Variants in TENM1 observed in about 807,000 individuals in gnomAD.
TENM1 encodes the protein teneurin-1.
Under a neutral mutation model 174.8 loss-of-function variants are expected in TENM1, and 35 were observed. The ratio of observed to expected loss-of-function variants is 0.20; its 90% CI spans 0.15 to 0.27. TENM1 has a LOEUF of 0.27. Ranked by LOEUF, TENM1 falls within the 10% of genes least tolerant of loss-of-function variation. TENM1 has a pLI of 1.00. For synonymous variants in TENM1, 781 were observed against 798.7 expected (o/e 0.98, Z 0.37); for missense variants, 1,633 against 2,130.1 (o/e 0.77, Z 4.59).
At chrX:124,601,503 A>T (rs991835419) in intron 11 of TENM1, among the ~76,000 whole-genome samples, 1 of 111,379 alleles carries the variant, frequency 9.0e-6, no homozygotes, top group Non-Finnish European at 1.9e-5. Context: ...TTTTCTGTGC[A>T]GCAGGAGGCA....
At chrX:124,444,767 C>A (rs2060948018) in intron 23 of TENM1, among the ~76,000 whole-genome samples, 1 of 110,799 alleles carries the variant, frequency 9.0e-6, no homozygotes, top group Non-Finnish European at 1.9e-5. Flanking sequence ...ATTCTGGAAG[C>A]CATGGTGGCT....
intron 11 of TENM1, among the ~76,000 whole-genome samples, chrX:124,588,296 G>T (rs1314820874): frequency 1.8e-5 from 2 of 111,310 alleles, no homozygotes; most frequent in Admixed American, 9.6e-5. Context: ...CAACCCAAAT[G>T]TCCAACAATG....
chrX:124,530,802 A>T (rs1395353496), intron 15 of TENM1, among the ~76,000 whole-genome samples: 1 of 112,393 alleles, frequency 8.9e-6, no homozygotes, highest in African/African-American at 3.2e-5. Flanking sequence ...TTACTAAAAA[A>T]TGGAATTCCA....
At chrX:124,784,357 T>C (rs927528983) in intron 3 of TENM1, among the ~76,000 whole-genome samples, 1 of 110,765 alleles carries the variant, frequency 9.0e-6, no homozygotes, top group Non-Finnish European at 1.9e-5. Flanking sequence ...ATCAGAGAAA[T>C]AGAAAACAAA....
chrX:125,183,652 C>T, the TENM1 span, among the ~76,000 whole-genome samples: 1 of 111,422 alleles, frequency 9.0e-6, no homozygotes, highest in African/African-American at 3.3e-5. Context: ...GCATTTTTAT[C>T]AAGGAAGAAG....
At chrX:124,483,823 G>C (rs897829850) in intron 21 of TENM1, among the ~76,000 whole-genome samples, 1 of 112,037 alleles carries the variant, frequency 8.9e-6, no homozygotes, top group Middle Eastern at 4.2e-3. Context: ...ATGAGTCCAA[G>C]TGTTATGACA....
chrX:125,097,007 AAAG>A, the TENM1 span, among the ~76,000 whole-genome samples: 48 of 112,036 alleles, frequency 4.3e-4, no homozygotes, highest in Non-Finnish European at 4.7e-4. Context: ...CTGTTAACAC[AAAG>A]AAGATAAAGA....
Position 124,520,542 on chromosome X carries a change from C to CT in TENM1, c.3275dup (p.Val1093GlyfsTer14). 1 of 1,208,599 alleles carries CT rather than the reference C, an allele frequency of 8.3e-7. No homozygotes were observed. Among genetic ancestry groups the CT allele is most frequent in the Non-Finnish European group, 1.1e-6 (1 of 892,882 alleles). ...CCAAAGCCTCTGCCAGGCCCCAAACCTTCTGTCCATAGATGTCGGTCTTGT... is the reference window on the plus strand; with the variant it reads ...CCAAAGCCTCTGCCAGGCCCCAAACCTTTCTGTCCATAGATGTCGGTCTTGT... On this transcript the variant is annotated frameshift_variant, in exon 18 of 32. Coordinates refer to ENST00000422452, the Ensembl canonical transcript of TENM1. LOFTEE classifies it high-confidence loss of function.
At chrX:124,728,179 A>G (rs1025715757) in intron 4 of TENM1, among the ~76,000 whole-genome samples, 5 of 111,441 alleles carry the variant, frequency 4.5e-5, no homozygotes, top group Admixed American at 2.9e-4. Flanking sequence ...GAAAGAAAGG[A>G]TCTGCAAACT....
chrX:124,403,243 G>A (rs756179380), intron 27 of TENM1, among the ~76,000 whole-genome samples: 6 of 110,611 alleles, frequency 5.4e-5, no homozygotes, highest in African/African-American at 1.3e-4. Flanking sequence ...AGCACTGGCC[G>A]GGCACGGTGG....
At chrX:124,384,215 C>T in exon 30 of TENM1, 1 of 1,210,533 alleles carries the variant, frequency 8.3e-7, no homozygotes, top group East Asian at 3.0e-5. Flanking sequence ...CTGCAGCAGG[C>T]CATTAGAATT....
Position 124,824,935 on chromosome X carries a change from C to T in TENM1, c.535+69361G>A, listed in dbSNP as rs190106218. Among the ~76,000 whole-genome samples the T allele has an allele frequency of 4.6e-3, 508 of 111,074 alleles. 2 individuals carry two copies. The highest frequency in any genetic ancestry group is 7.2e-3 in the Admixed American group (74 of 10,331). ...GATTTCCAGAAATAAATTAACCCCA[C>T]ATCCTAAATCTTGCCTTACCAAAAA... On this transcript the variant is annotated intron_variant, in intron 3 of 31. Transcript: ENST00000422452.
At chrX:124,955,367 A>T (rs1281623518) in intron 1 of TENM1, among the ~76,000 whole-genome samples, 2 of 111,334 alleles carry the variant, frequency 1.8e-5, no homozygotes, top group African/African-American at 6.5e-5. Context: ...GTCAAAGTGG[A>T]CAATCTCTAG....
intron 3 of TENM1, among the ~76,000 whole-genome samples, chrX:124,758,483 T>C (rs1051526598): frequency 1.8e-5 from 2 of 111,323 alleles, no homozygotes; most frequent in Non-Finnish European, 3.8e-5. Context: ...TATGAAGGTT[T>C]TTGAAAAAAT....
At chrX:124,468,001 C>T (rs185500332) in intron 22 of TENM1, among the ~76,000 whole-genome samples, 1,189 of 109,976 alleles carry the variant, frequency 0.011, 17 homozygotes, top group African/African-American at 0.036. Flanking sequence ...TCAAGTGATC[C>T]GCCTGCCTCA....
At chrX:124,907,645 T>A (rs1442960149) in intron 1 of TENM1, among the ~76,000 whole-genome samples, 1 of 111,850 alleles carries the variant, frequency 8.9e-6, no homozygotes, top group Non-Finnish European at 1.9e-5. Flanking sequence ...CCCTATTATT[T>A]AAAAAACCCT....
chrX:124,803,558 C>T (rs917407165), intron 3 of TENM1, among the ~76,000 whole-genome samples: 6 of 111,927 alleles, frequency 5.4e-5, no homozygotes. Context: ...TCTAATGGCA[C>T]CCTCTCATTT....
Position 124,404,850 on chromosome X carries a change from G to A in TENM1, c.5391+181C>T, listed in dbSNP as rs768817698. The stretch of plus-strand genomic sequence containing the variant: ...CATTTAAGGATACTGAACCATTATC[G>A]GCCATTAGCATCCTCTTTTGAATTA... On this transcript the variant is annotated intron_variant, in intron 27 of 31. Coordinates refer to ENST00000422452, the Ensembl canonical transcript of TENM1. Among the ~76,000 whole-genome samples, 7 of 111,220 alleles carry A rather than the reference G, an allele frequency of 6.3e-5. No homozygotes were observed. In the East Asian group the frequency reaches 1.1e-3, roughly 18 times the overall value.
At chrX:124,457,422 G>C (rs2061122192) in intron 22 of TENM1, among the ~76,000 whole-genome samples, 1 of 111,276 alleles carries the variant, frequency 9.0e-6, no homozygotes, top group African/African-American at 3.3e-5. Context: ...GCAAAGTAGG[G>C]GATATTATAT....
Sources: gnomAD v4.1 joint callset for allele counts (sites outside exome capture counted in the v4.1 genomes callset) on GRCh38, gnomAD v4.1.1 for gene constraint, MANE v1.5 for transcripts, NCBI Gene and HGNC (gene_info 2026-07-23, HGNC 2026-07-21) for gene names.